DTNB: variants seen among roughly 807,000 people sequenced by gnomAD.
DTNB encodes dystrobrevin beta, also known as DTN-B.
In DTNB, 63 loss-of-function variants were observed where a neutral mutation model predicts 90.7. That is an observed-to-expected ratio of 0.69 (90% CI 0.57 to 0.86). DTNB has a LOEUF of 0.86. Ranked by LOEUF, DTNB falls within the 40% of genes least tolerant of loss-of-function variation. The pLI is 0.00. For missense variants in DTNB, 744 were observed against 807.1 expected (o/e 0.92, Z 0.95); for synonymous variants, 277 against 286.7 (o/e 0.97, Z 0.34).
At chr2:25,553,028 T>C (rs2056640493) in intron 8 of DTNB, among the ~76,000 whole-genome samples, 1 of 151,016 alleles carries the variant, frequency 6.6e-6, no homozygotes, top group African/African-American at 2.4e-5. Flanking sequence ...GCCCGGCTAA[T>C]TTTTTGTATT....
chr2:25,600,697 T>C (rs1328611742), intron 5 of DTNB, among the ~76,000 whole-genome samples: 1 of 152,188 alleles, frequency 6.6e-6, no homozygotes, highest in East Asian at 1.9e-4. Flanking sequence ...TTAATATATA[T>C]ATGTATAGCT....
At chr2:25,668,715 A>G (rs1221761301) in intron 1 of DTNB, among the ~76,000 whole-genome samples, 1 of 152,262 alleles carries the variant, frequency 6.6e-6, no homozygotes, top group African/African-American at 2.4e-5. Flanking sequence ...AATTGTGTTA[A>G]TCTATTTTTA....
At chr2:25,575,883 G>A (rs1044849093) in intron 8 of DTNB, among the ~76,000 whole-genome samples, 1 of 151,964 alleles carries the variant, frequency 6.6e-6, no homozygotes, top group African/African-American at 2.4e-5. Flanking sequence ...TTAGGACTCT[G>A]GAAATAAACT....
chr2:25,418,236 C>G (rs1310946928), intron 16 of DTNB, among the ~76,000 whole-genome samples: 1 of 152,192 alleles, frequency 6.6e-6, no homozygotes, highest in East Asian at 1.9e-4. Context: ...TTCTTTCCCC[C>G]TGACAGTCTG....
intron 9 of DTNB, among the ~76,000 whole-genome samples, chr2:25,501,744 C>T (rs1429286731): frequency 6.6e-6 from 1 of 152,048 alleles, no homozygotes; most frequent in Non-Finnish European, 1.5e-5. Context: ...GCGATAGTAT[C>T]TAAACAGACA....
chr2:25,600,677 T>G (rs953381662), intron 5 of DTNB, among the ~76,000 whole-genome samples: 10 of 152,290 alleles, frequency 6.6e-5, no homozygotes, highest in South Asian at 2.1e-4. Context: ...GACTTTAGCT[T>G]TCAAGTACAT....
chr2:25,428,333 A>C (rs1233348437), intron 14 of DTNB, among the ~76,000 whole-genome samples: 2 of 152,106 alleles, frequency 1.3e-5, no homozygotes, highest in African/African-American at 4.8e-5. Flanking sequence ...TCTTTCTTGG[A>C]AAATGTATGT....
At chr2:25,476,287 T>A (rs2063737780) in intron 10 of DTNB, among the ~76,000 whole-genome samples, 1 of 152,204 alleles carries the variant, frequency 6.6e-6, no homozygotes, top group African/African-American at 2.4e-5. Flanking sequence ...CAGGCTGGTC[T>A]GGAACTCCTG....
intron 16 of DTNB, among the ~76,000 whole-genome samples, chr2:25,402,514 T>C (rs536961612): frequency 6.6e-6 from 1 of 151,914 alleles, no homozygotes; most frequent in African/African-American, 2.4e-5. Flanking sequence ...TGAACTTGGC[T>C]TCTAGACACT....
chr2:25,408,300 ACT>A (rs1218098714), intron 16 of DTNB, among the ~76,000 whole-genome samples: 2 of 149,158 alleles, frequency 1.3e-5, no homozygotes, highest in East Asian at 3.9e-4. Context: ...CAAGAGCGAG[ACT>A]CTGTCTCCAA....
At chr2:25,635,321 C>G (rs1024973093) in intron 3 of DTNB, among the ~76,000 whole-genome samples, 4 of 152,028 alleles carry the variant, frequency 2.6e-5, no homozygotes, top group African/African-American at 9.7e-5. Flanking sequence ...GTTCCAGCTA[C>G]TGGGGAAGCT....
chr2:25,423,847 A>T (rs1016217814), intron 15 of DTNB, among the ~76,000 whole-genome samples: 11 of 152,024 alleles, frequency 7.2e-5, no homozygotes, highest in Admixed American at 1.3e-4. Flanking sequence ...TTTGGTAGAG[A>T]TGGGGCTTCA....
chr2:25,548,040 A>T (rs1476405925), intron 8 of DTNB, among the ~76,000 whole-genome samples: 5 of 152,214 alleles, frequency 3.3e-5, no homozygotes, highest in Non-Finnish European at 5.9e-5. Flanking sequence ...TTTGTACTTT[A>T]AAGAAATTAG....
intron 6 of DTNB, among the ~76,000 whole-genome samples, chr2:25,589,223 C>G (rs2063027735): frequency 6.6e-6 from 1 of 152,160 alleles, no homozygotes; most frequent in South Asian, 2.1e-4. Flanking sequence ...CTCCGTGAAT[C>G]AAGGGAAATG....
chr2:25,635,800 TAAAAAG>T (rs1217895627), intron 3 of DTNB, among the ~76,000 whole-genome samples: 23 of 152,304 alleles, frequency 1.5e-4, no homozygotes, highest in African/African-American at 5.3e-4. Flanking sequence ...CAGAGAATCT[TAAAAAG>T]AAAAGCCGAG....
intron 10 of DTNB, among the ~76,000 whole-genome samples, chr2:25,460,761 C>A (rs2060805320): frequency 6.6e-6 from 1 of 152,104 alleles, no homozygotes; most frequent in Non-Finnish European, 1.5e-5. Flanking sequence ...GAAAGTCTGA[C>A]TGGGTGTGTT....
chr2:25,454,322 T>C (rs1268264535), intron 11 of DTNB, among the ~76,000 whole-genome samples: 1 of 152,232 alleles, frequency 6.6e-6, no homozygotes, highest in Non-Finnish European at 1.5e-5. Context: ...TATTAATTTA[T>C]TCTTCTGTTA....
At chr2:25,518,857 C>T (rs563289786) in intron 9 of DTNB, among the ~76,000 whole-genome samples, 1 of 152,274 alleles carries the variant, frequency 6.6e-6, no homozygotes, top group South Asian at 2.1e-4. Flanking sequence ...CTGTATTCCT[C>T]ACCTTCTAGG....
intron 14 of DTNB, 76 bp downstream of exon 14, chr2:25,432,810 C>T: frequency 7.1e-7 from 1 of 1,414,372 alleles, no homozygotes. Flanking sequence ...GATTCTACCC[C>T]ACTCCTTTGG....
Sources: gnomAD v4.1 joint callset for allele counts (sites outside exome capture counted in the v4.1 genomes callset) on GRCh38, gnomAD v4.1.1 for gene constraint, MANE v1.5 for transcripts, NCBI Gene and HGNC (gene_info 2026-07-23, HGNC 2026-07-21) for gene names.